The following NRXN1 variants were observed in gnomAD, a reference collection of about 807,000 sequenced individuals.
NRXN1 encodes neurexin 1, also known as neurexin-1.
Under a neutral mutation model 150.9 loss-of-function variants are expected in NRXN1, and 39 were observed. That is an observed-to-expected ratio of 0.26 (90% confidence interval 0.20 to 0.34). NRXN1 has a LOEUF of 0.34. NRXN1 is among the 10% of genes least tolerant of loss of function. The probability of loss-of-function intolerance (pLI) is 1.00; values close to 1 mark genes in which losing one functional copy is unlikely to be tolerated. For missense variants in NRXN1, 1,815 were observed against 1,949.9 expected (o/e 0.93, Z 1.30); for synonymous variants, 924 against 757.0 (o/e 1.22, Z -3.62).
intron 18 of NRXN1, among the ~76,000 whole-genome samples, chr2:50,126,797 T>G (rs1260984260): frequency 6.6e-6 from 1 of 152,094 alleles, no homozygotes; most frequent in African/African-American, 2.4e-5. Context: ...GCTTATGCAT[T>G]GCTGCCTGTC....
intron 5 of NRXN1, among the ~76,000 whole-genome samples, chr2:50,817,119 C>T (rs897839457): frequency 3.3e-5 from 5 of 151,610 alleles, no homozygotes; most frequent in South Asian, 2.1e-4. Context: ...TGACAGAAGG[C>T]GGGTGGAGGA....
chr2:50,651,371 G>C (rs767263180), intron 5 of NRXN1, among the ~76,000 whole-genome samples: 1 of 151,922 alleles, frequency 6.6e-6, no homozygotes, highest in Non-Finnish European at 1.5e-5. Flanking sequence ...CCAGCACTTT[G>C]GGAGGCCGAG....
chr2:50,031,011 G>A (rs1003844464), intron 21 of NRXN1, among the ~76,000 whole-genome samples: 1 of 151,956 alleles, frequency 6.6e-6, no homozygotes, highest in African/African-American at 2.4e-5. Flanking sequence ...ACAAAAAAGG[G>A]TTCCTGGCTC....
intron 17 of NRXN1, among the ~76,000 whole-genome samples, chr2:50,424,001 C>T (rs1394192939): frequency 1.3e-5 from 2 of 151,962 alleles, no homozygotes; most frequent in Non-Finnish European, 2.9e-5. Context: ...TACAGATAGG[C>T]TGGAGCCAGA....
intron 18 of NRXN1, chr2:50,199,311 A>G (rs2061992385): frequency 6.6e-6 from 1 of 152,148 alleles, no homozygotes; most frequent in Non-Finnish European, 1.5e-5. Flanking sequence ...TTTTAAAAAA[A>G]TAGTATTTTA....
At chr2:49,933,563 C>T (rs1283903198) in intron 22 of NRXN1, among the ~76,000 whole-genome samples, 2 of 152,172 alleles carry the variant, frequency 1.3e-5, no homozygotes, top group African/African-American at 4.8e-5. Flanking sequence ...AGTCTAGGTC[C>T]TGTCCTTAAC....
At position 49,986,481 on chromosome 2, in the gene NRXN1, A is replaced by T. The variant is rs1680931614; in HGVS notation, c.4129-42690T>A. Among the ~76,000 whole-genome samples the T allele has an allele frequency of 2.0e-5, 3 of 152,218 alleles. No individual in the cohort carries two copies. In the South Asian group the frequency reaches 6.2e-4, roughly 31 times the overall value. On this transcript the variant is annotated intron_variant, in intron 21 of 22. Coordinates refer to ENST00000401669, the MANE Select transcript of NRXN1 (RefSeq NM_001330078.2). Reference sequence around the variant, plus strand: ...ATCTTTTCAATATCTTTTAAATTAGAAGACTGGGGCTCATATTTGCTTCTG... The same window carrying T: ...ATCTTTTCAATATCTTTTAAATTAGTAGACTGGGGCTCATATTTGCTTCTG...
chr2:50,878,365 T>C (rs944923237), intron 5 of NRXN1, among the ~76,000 whole-genome samples: 1 of 151,938 alleles, frequency 6.6e-6, no homozygotes, highest in Non-Finnish European at 1.5e-5. Context: ...GAAGGTTTAC[T>C]GGCTTTGGTA....
chr2:50,131,736 G>A (rs888261605), intron 18 of NRXN1, among the ~76,000 whole-genome samples: 7 of 152,136 alleles, frequency 4.6e-5, no homozygotes, highest in Admixed American at 1.3e-4. Flanking sequence ...GCTAGAGAGA[G>A]AAAATCCTGC....
chr2:50,262,730 A>G (rs572665986), intron 17 of NRXN1, among the ~76,000 whole-genome samples: 35 of 152,098 alleles, frequency 2.3e-4, no homozygotes, highest in African/African-American at 8.2e-4. Flanking sequence ...CATATTCTCT[A>G]CAGATGTAGC....
intron 18 of NRXN1, among the ~76,000 whole-genome samples, chr2:50,167,236 T>C (rs1392247395): frequency 1.3e-5 from 2 of 152,152 alleles, no homozygotes; most frequent in Non-Finnish European, 2.9e-5. Flanking sequence ...TGCATTATAA[T>C]ATGTCATCAT....
At chr2:50,610,097 A>T (rs1677782318) in intron 8 of NRXN1, among the ~76,000 whole-genome samples, 1 of 152,174 alleles carries the variant, frequency 6.6e-6, no homozygotes, top group African/African-American at 2.4e-5. Context: ...ATTTCCTTCC[A>T]AACATAAGGA....
chr2:50,380,225 G>A (rs988785178), intron 17 of NRXN1, among the ~76,000 whole-genome samples: 2 of 151,936 alleles, frequency 1.3e-5, no homozygotes, highest in Non-Finnish European at 2.9e-5. Flanking sequence ...GGTACTGTGT[G>A]CAAATCTACT....
rs575561252 is a variant in NRXN1, at chr2:50,385,438, C to A, written c.3364+80004G>T. ...ACTGCCAGAAAGCATTTGAAAGCAG[C>A]AAATCCCAGAAGTCTTAGTGACTTC... On this transcript the variant is annotated intron_variant, in intron 17 of 22. Transcript: ENST00000401669. Among the ~76,000 whole-genome samples the A allele has an allele frequency of 2.0e-5, 3 of 152,270 alleles. No homozygotes were observed. In the South Asian group the frequency reaches 6.2e-4, roughly 32 times the overall value.
At chr2:50,738,865 C>A (rs1699085984) in intron 5 of NRXN1, among the ~76,000 whole-genome samples, 1 of 152,074 alleles carries the variant, frequency 6.6e-6, no homozygotes, top group African/African-American at 2.4e-5. Context: ...CATCCTGATG[C>A]CATAATTAGG....
At chr2:50,791,636 T>A (rs1706064090) in intron 5 of NRXN1, among the ~76,000 whole-genome samples, 1 of 152,192 alleles carries the variant, frequency 6.6e-6, no homozygotes. Flanking sequence ...GTTGAATTCT[T>A]ATCTATTCAG....
intron 5 of NRXN1, among the ~76,000 whole-genome samples, chr2:50,694,535 G>T (rs1368843356): frequency 2.6e-5 from 4 of 152,126 alleles, no homozygotes. Context: ...TAAGTCTGAG[G>T]ATTGTCCATT....
intron 5 of NRXN1, chr2:50,918,133 A>C (rs532789882): frequency 6.6e-6 from 1 of 151,752 alleles, no homozygotes; most frequent in Non-Finnish European, 1.5e-5. Flanking sequence ...TCTACTCTTC[A>C]CAAAGAGAAT....
intron 17 of NRXN1, among the ~76,000 whole-genome samples, chr2:50,325,181 G>C (rs2076304550): frequency 6.6e-6 from 1 of 152,182 alleles, no homozygotes; most frequent in Non-Finnish European, 1.5e-5. Context: ...AATCAGAATG[G>C]ATGAAAACAA....
Sources: allele counts gnomAD v4.1 joint callset (sites outside exome capture counted in the v4.1 genomes callset), GRCh38; gene constraint gnomAD v4.1.1; transcripts MANE v1.5; gene names NCBI Gene and HGNC (gene_info 2026-07-23, HGNC 2026-07-21).